Variants in NCAPG2 observed in about 807,000 individuals in gnomAD.
NCAPG2 encodes the protein condensin-2 complex subunit G2.
In NCAPG2, 53 loss-of-function variants were observed where a neutral mutation model predicts 141.1. That is an observed-to-expected ratio of 0.38 (90% CI 0.30 to 0.47). The LOEUF (loss-of-function observed/expected upper bound fraction) is 0.47. Among genes scored for constraint, NCAPG2 ranks in the 20% least tolerant of loss-of-function variants. The probability of loss-of-function intolerance (pLI) is 0.99; values close to 1 mark genes in which losing one functional copy is unlikely to be tolerated. For missense variants in NCAPG2, 1,087 were observed against 1,389.0 expected, an observed-to-expected ratio of 0.78 and a Z score of 3.46; for synonymous variants, 499 against 490.7, an observed-to-expected ratio of 1.02 and a Z score of -0.22.
At chr7:158,644,436 C>T in intron 26 of NCAPG2, 48 bp from the exon 27 acceptor site, 3 of 1,461,184 alleles carry the variant, frequency 2.1e-6, no homozygotes, top group South Asian at 1.1e-5. Context: ...CATCACTACA[C>T]AAAGACAAAC....
intron 11 of NCAPG2, among the ~76,000 whole-genome samples, chr7:158,677,918 C>T (rs926203953): frequency 3.3e-5 from 5 of 152,024 alleles, no homozygotes; most frequent in African/African-American, 1.2e-4. Flanking sequence ...TCAAGTGATC[C>T]TCCCACCTCA....
At chr7:158,664,407 A>G in intron 14 of NCAPG2, 111 bp from the exon 15 acceptor site, 1 of 1,485,398 alleles carries the variant, frequency 6.7e-7, no homozygotes, top group Non-Finnish European at 9.3e-7. Flanking sequence ...TTTAAGGGAA[A>G]TCATTCAGAA....
At chr7:158,700,057 G>C (rs777268635) in intron 2 of NCAPG2, among the ~76,000 whole-genome samples, 1 of 152,080 alleles carries the variant, frequency 6.6e-6, no homozygotes, top group Non-Finnish European at 1.5e-5. Context: ...GCCCCAAACT[G>C]ATTTAAATTC....
At chr7:158,667,446 T>A (rs1266400962) in intron 13 of NCAPG2, among the ~76,000 whole-genome samples, 2 of 123,578 alleles carry the variant, frequency 1.6e-5, no homozygotes, top group Admixed American at 7.7e-5. Flanking sequence ...CCTTACCCAC[T>A]ACTGGGTCCC....
intron 12 of NCAPG2, among the ~76,000 whole-genome samples, chr7:158,672,370 T>C (rs531470621): frequency 0.01 from 1,183 of 112,672 alleles, 26 homozygotes; most frequent in African/African-American, 0.039. Flanking sequence ...TGAGACGGAG[T>C]CTCACTCCGT....
At position 158,671,614 on chromosome 7, in the gene NCAPG2, A is replaced by C; in HGVS notation, c.1379T>G (p.Leu460Arg). 3 of 1,614,192 alleles carry C rather than the reference A, an allele frequency of 1.9e-6. No individual in the cohort carries two copies. Among genetic ancestry groups the C allele is most frequent in the Non-Finnish European group, 2.5e-6 (3 of 1,180,020 alleles). The stretch of plus-strand genomic sequence containing the variant: ...GAGACTGTATCTGAGAGCTGGAAGG[A>C]GCTGCTCTAACAATGGGTGGCTCAG... ...NKLSHPLLEQ[L>R]LPALRYSLHD... Residue 460 changes from leucine to arginine, a missense_variant, in exon 13 of 28, where the codon CTC (leucine) becomes CGC (arginine). Coordinates refer to ENST00000356309, the MANE Select transcript of NCAPG2 (RefSeq NM_017760.7).
chr7:158,641,196 A>T, intron 27 of NCAPG2: 1 of 290,278 alleles, frequency 3.4e-6, no homozygotes, highest in Non-Finnish European at 6.3e-6. Flanking sequence ...AAAACCACAA[A>T]AGACAGAAAA....
intron 5 of NCAPG2, 125 bp from the exon 6 acceptor site, chr7:158,690,078 C>T (rs918911863): frequency 1.0e-4 from 102 of 1,003,236 alleles, no homozygotes; most frequent in Non-Finnish European, 1.2e-4. Flanking sequence ...TAAAAAATAA[C>T]GACAAATAAA....
intron 2 of NCAPG2, among the ~76,000 whole-genome samples, chr7:158,700,974 AGC>A (rs1835743990): frequency 6.6e-6 from 1 of 152,194 alleles, no homozygotes; most frequent in Non-Finnish European, 1.5e-5. Flanking sequence ...TCTCTAGCTC[AGC>A]CCTTTCCCCT....
chr7:158,672,932 G>C (rs1833838299), intron 12 of NCAPG2, among the ~76,000 whole-genome samples: 1 of 152,180 alleles, frequency 6.6e-6, no homozygotes, highest in African/African-American at 2.4e-5. Flanking sequence ...CTCTACTCCA[G>C]AGCCCACTCA....
chr7:158,698,186 T>C (rs935836453), intron 2 of NCAPG2, among the ~76,000 whole-genome samples: 2 of 152,226 alleles, frequency 1.3e-5, no homozygotes, highest in African/African-American at 4.8e-5. Context: ...AGTGTTATTA[T>C]AAAGGATTTT....
intron 9 of NCAPG2, among the ~76,000 whole-genome samples, chr7:158,682,611 G>A (rs1428418331): frequency 6.6e-6 from 1 of 152,108 alleles, no homozygotes; most frequent in Non-Finnish European, 1.5e-5. Context: ...TATTCACTTG[G>A]TTTCTTGACA....
At chr7:158,678,674 C>T (rs1164542363) in intron 11 of NCAPG2, among the ~76,000 whole-genome samples, 1 of 147,102 alleles carries the variant, frequency 6.8e-6, no homozygotes, top group Admixed American at 6.8e-5. Flanking sequence ...GGAGACAGAG[C>T]ACGACTCTGT....
chr7:158,664,234 GCT>G lies in NCAPG2; in HGVS notation c.1763_1764del (p.Glu588AlafsTer46). The stretch of plus-strand genomic sequence containing the variant: ...TCCTCTTCCTCCTCGTCCTCTGGAG[GCT>G]CTCTCACTGCCCTCTGGATACAGGC... ...LNACIQRAVR[E>X]PPEDEEEEDG... On this transcript the variant is annotated frameshift_variant, in exon 15 of 28. Transcript: ENST00000356309. LOFTEE classifies it high-confidence loss of function. The G allele has an allele frequency of 6.2e-7, 1 of 1,613,862 alleles. No individual in the cohort carries two copies. Among genetic ancestry groups the G allele is most frequent in the Non-Finnish European group, 8.5e-7 (1 of 1,179,788 alleles).
At chr7:158,647,713 A>G (rs1439023997) in intron 24 of NCAPG2, among the ~76,000 whole-genome samples, 1 of 151,466 alleles carries the variant, frequency 6.6e-6, no homozygotes, top group African/African-American at 2.4e-5. Flanking sequence ...TTTTTTTAAG[A>G]GACATAGTCT....
At chr7:158,690,379 G>C (rs550657456) in intron 5 of NCAPG2, among the ~76,000 whole-genome samples, 189 bp downstream of exon 5, 1 of 152,244 alleles carries the variant, frequency 6.6e-6, no homozygotes, top group South Asian at 2.1e-4. Flanking sequence ...AGAATGTTAG[G>C]AAGACGTTTA....
rs116804748 is a variant in NCAPG2 at position 158,655,512 on chromosome 7, C to T, written c.2389-57G>A. 3,616 of 1,401,580 alleles carry T rather than the reference C, an allele frequency of 2.6e-3. 80 individuals carry two copies. The African/African-American group carries it at 0.046, about 18-fold the overall frequency. 86.8% of individuals were successfully genotyped at this position (1,401,580 alleles called of 1,614,324 possible). A position where few individuals can be genotyped will look rare whatever the true frequency, so the allele number is the denominator to read the frequency against. ...TGACTGACAAGGCACCACCACACCCCGTACAGCAAGAACAATGGGAAGCAC... is the reference window on the plus strand; with the variant it reads ...TGACTGACAAGGCACCACCACACCCTGTACAGCAAGAACAATGGGAAGCAC... On this transcript the variant is annotated intron_variant, in intron 19 of 27. Transcript: ENST00000356309.
intron 7 of NCAPG2, among the ~76,000 whole-genome samples, chr7:158,687,136 C>T (rs890536035): frequency 1.3e-5 from 2 of 152,164 alleles, no homozygotes; most frequent in South Asian, 2.1e-4. Flanking sequence ...TAAAGAACTA[C>T]CACAAATTAA....
chr7:158,631,806 G>T, intron 27 of NCAPG2, 89 bp from the exon 28 acceptor site: 1 of 1,065,044 alleles, frequency 9.4e-7, no homozygotes, highest in Non-Finnish European at 1.4e-6. Context: ...TCTAAAAATG[G>T]TTTGCAACCA....
Sources: allele counts gnomAD v4.1 joint callset (sites outside exome capture counted in the v4.1 genomes callset), GRCh38; gene constraint gnomAD v4.1.1; transcripts MANE v1.5; gene names NCBI Gene and HGNC (gene_info 2026-07-23, HGNC 2026-07-21).